CRY2: variants seen among roughly 807,000 people sequenced by gnomAD.
CRY2 encodes cryptochrome-2.
A neutral mutation model predicts 69.5 loss-of-function variants in CRY2; 31 were observed. The observed-to-expected ratio is 0.45, with a 90% CI of 0.34 to 0.60. The LOEUF (loss-of-function observed/expected upper bound fraction) is 0.60. CRY2 is among the 20% of genes least tolerant of loss of function. The pLI is 0.02. For synonymous variants in CRY2, 303 were observed against 312.2 expected, an observed-to-expected ratio of 0.97 and a Z score of 0.31; for missense variants, 606 against 797.8, an observed-to-expected ratio of 0.76 and a Z score of 2.90.
At chr11:45,862,501 T>C (rs2086295893) in intron 5 of CRY2, among the ~76,000 whole-genome samples, 1 of 152,222 alleles carries the variant, frequency 6.6e-6, no homozygotes, top group Non-Finnish European at 1.5e-5. Flanking sequence ...AAGTTAGTAA[T>C]TACAGGTTGA....
chr11:45,861,011 G>C lies in CRY2; in HGVS notation c.631G>C (p.Val211Leu). 1 of 1,613,250 alleles carries C rather than the reference G, an allele frequency of 6.2e-7. No homozygotes were observed. Among genetic ancestry groups the C allele is most frequent in the South Asian group, 1.1e-5 (1 of 91,070 alleles). ...IQENHDETYG[V>L]PSLEELGFPT... ...GGAGAACCACGACGAGACCTACGGC[G>C]TGCCCTCCCTGGAGGAGCTGGGTGC... is the stretch of plus-strand genomic sequence containing the variant. Residue 211 changes from valine to leucine, a missense_variant, in exon 4 of 12, where the codon GTG becomes CTG. Transcript: ENST00000616080.
At chr11:45,872,065 G>A in intron 10 of CRY2, 27 bp from the exon 11 acceptor site, 4 of 1,613,276 alleles carry the variant, frequency 2.5e-6, no homozygotes, top group Non-Finnish European at 3.4e-6. Context: ...CACAGTCTGT[G>A]TGACCCTTTG....
intron 1 of CRY2, 108 bp from the exon 2 acceptor site, chr11:45,855,867 GATCATGA>G: frequency 1.1e-6 from 1 of 894,918 alleles, no homozygotes; most frequent in South Asian, 1.3e-5. Flanking sequence ...CAGCCCTAGT[GATCATGA>G]GGCTGCCTGT....
At chr11:45,861,774 C>G in intron 4 of CRY2, 2 of 395,358 alleles carry the variant, frequency 5.1e-6, no homozygotes, top group Non-Finnish European at 9.3e-6. Flanking sequence ...GCCTTTTTCA[C>G]CTGAAAACCA....
At chr11:45,864,109 C>T (rs2086310789) in intron 5 of CRY2, among the ~76,000 whole-genome samples, 1 of 152,090 alleles carries the variant, frequency 6.6e-6, no homozygotes, top group African/African-American at 2.4e-5. Context: ...AGGGATCAAA[C>T]CTGAGTCCAG....
Position 45,872,102 on chromosome 11 carries a change from A to T in CRY2, c.1653A>T (p.Pro551=), listed in dbSNP as rs776718443. The stretch of plus-strand genomic sequence containing the variant: ...CACGCTTCCCTACAGGCCCAAGACC[A>T]CTACCCAGTGGCCCAGCATCCCCCA... ...AGSMSSAGPR[P]LPSGPASPKR... The change falls in exon 11 of 12, where the codon CCA becomes CCT. Residue 551 remains proline, a synonymous_variant. Coordinates refer to ENST00000616080, the MANE Select transcript of CRY2 (RefSeq NM_021117.5). 6.2e-7 allele frequency: 1 copy of T among 1,614,050 alleles called. No homozygotes were observed. Among genetic ancestry groups the T allele is most frequent in the Non-Finnish European group, 8.5e-7 (1 of 1,179,948 alleles).
intron 5 of CRY2, chr11:45,867,324 C>A: frequency 2.6e-6 from 1 of 386,176 alleles, no homozygotes; most frequent in Non-Finnish European, 4.7e-6. Flanking sequence ...TTTTAATCCA[C>A]AGAAGATTGG....
intron 2 of CRY2, among the ~76,000 whole-genome samples, chr11:45,857,804 C>T (rs997084986): frequency 1.3e-5 from 2 of 152,196 alleles, no homozygotes; most frequent in African/African-American, 4.8e-5. Context: ...AGCATGGTAC[C>T]TGGCATATAG....
At chr11:45,877,045 A>G (rs1405733351) in intron 11 of CRY2, among the ~76,000 whole-genome samples, 1 of 152,186 alleles carries the variant, frequency 6.6e-6, no homozygotes, top group East Asian at 1.9e-4. Context: ...TAAAATCAGA[A>G]GTTTAGACTC....
intron 3 of CRY2, 31 bp from the exon 4 acceptor site, chr11:45,860,817 G>A (rs1401688001): frequency 1.2e-6 from 2 of 1,608,760 alleles, no homozygotes; most frequent in Admixed American, 1.7e-5. Flanking sequence ...GGGCCATGTG[G>A]GTAACACTAG....
chr11:45,878,189 TTCAC>T (rs1236302364), intron 11 of CRY2, among the ~76,000 whole-genome samples: 1 of 152,218 alleles, frequency 6.6e-6, no homozygotes, highest in Admixed American at 6.5e-5. Context: ...ACTGCATATG[TTCAC>T]ACACAGAGAG....
chr11:45,861,694 G>A (rs946308497), intron 4 of CRY2: 5 of 234,410 alleles, frequency 2.1e-5, no homozygotes, highest in Non-Finnish European at 3.4e-5. Flanking sequence ...CACCCACATC[G>A]GCCTCCCAAA....
intron 8 of CRY2, 21 bp downstream of exon 8, chr11:45,870,225 C>G: frequency 1.9e-6 from 3 of 1,609,906 alleles, no homozygotes; most frequent in East Asian, 2.2e-5. Flanking sequence ...AGACCAGGCT[C>G]TCTGGCCTCT....
At chr11:45,862,846 A>T (rs1463378571) in intron 5 of CRY2, among the ~76,000 whole-genome samples, 1 of 152,230 alleles carries the variant, frequency 6.6e-6, no homozygotes, top group Admixed American at 6.5e-5. Context: ...TCAGAGGCAC[A>T]GTGTCACAAA....
At chr11:45,868,879 A>AG (rs1175245592) in intron 6 of CRY2, among the ~76,000 whole-genome samples, 1 of 151,684 alleles carries the variant, frequency 6.6e-6, no homozygotes, top group Non-Finnish European at 1.5e-5. Context: ...CAGGCCATCC[A>AG]CCCACCTCAG....
intron 7 of CRY2, 46 bp from the exon 8 acceptor site, chr11:45,870,007 T>C (rs1365404589): frequency 1.3e-6 from 2 of 1,546,550 alleles, no homozygotes; most frequent in Non-Finnish European, 1.7e-6. Context: ...GGAAAAAACA[T>C]GGCTGCATGT....
intron 1 of CRY2, among the ~76,000 whole-genome samples, chr11:45,854,972 A>T (rs1444618791): frequency 6.6e-6 from 1 of 152,218 alleles, no homozygotes; most frequent in South Asian, 2.1e-4. Context: ...GGGAGGGGAA[A>T]ACCCTTTCTA....
At chr11:45,865,021 A>C (rs1282215944) in intron 5 of CRY2, among the ~76,000 whole-genome samples, 1 of 151,146 alleles carries the variant, frequency 6.6e-6, no homozygotes, top group Non-Finnish European at 1.5e-5. Flanking sequence ...CAGCCTCCCA[A>C]AGTGCTGGAA....
Position 45,862,118 on chromosome 11 carries a change from G to T in CRY2, c.711G>T (p.Leu237=). ...GGCAGGGAGGAGAGACAGAAGCTCT[G>T]GCCCGCCTGGATAAGCACTTGGAAC... ...AVWQGGETEA[L]ARLDKHLERK... The change falls in exon 5 of 12, where the codon CTG becomes CTT. Residue 237 remains leucine (L), a synonymous_variant. Transcript: ENST00000616080. 6.2e-7 allele frequency: 1 copy of T among 1,613,970 alleles called. No homozygotes were observed. Among genetic ancestry groups the T allele is most frequent in the South Asian group, 1.1e-5 (1 of 91,034 alleles).
Sources: allele counts gnomAD v4.1 joint callset (sites outside exome capture counted in the v4.1 genomes callset), GRCh38; gene constraint gnomAD v4.1.1; transcripts MANE v1.5; gene names NCBI Gene and HGNC (gene_info 2026-07-23, HGNC 2026-07-21).